Variants in ZNF469 observed in about 807,000 individuals in gnomAD.
ZNF469 encodes the protein zinc finger protein 469.
ZNF469 carries 1 observed loss-of-function variant against 1.0 expected under a neutral mutation model. The observed-to-expected ratio is 1.00, with a 90% CI of 0.35 to 4.73. The LOEUF (loss-of-function observed/expected upper bound fraction) is 4.73, where lower values mean the gene tolerates loss of function less well. ZNF469 is among the 30% of genes most tolerant of loss of function. The pLI, the probability that ZNF469 is intolerant of heterozygous loss-of-function variation, is 0.16. For synonymous variants in ZNF469, 2,703 were observed against 2,363.4 expected (o/e 1.14, Z -4.17); for missense variants, 6,100 against 5,356.3 (o/e 1.14, Z -4.33).
Position 88,438,080 on chromosome 16 carries a change from C to A in ZNF469, c.10610C>A (p.Pro3537Gln), listed in dbSNP as rs966125186. The A allele has an allele frequency of 1.9e-6, 3 of 1,550,412 alleles. No individual in the cohort carries two copies. The highest frequency in any genetic ancestry group is 3.9e-5 in the Admixed American group (2 of 51,010). The change falls in exon 3 of 3, where the codon CCG becomes CAG. Residue 3537 changes from proline to glutamine, a missense_variant. Pro to Gln is a moderately conservative substitution (Grantham distance 76). Coordinates refer to ENST00000565624, the MANE Select transcript of ZNF469 (RefSeq NM_001367624.2). Reference protein sequence around the residue: ...LERPVDPVTHPIRGCELPSNH... With the variant: ...LERPVDPVTHQIRGCELPSNH... The stretch of plus-strand genomic sequence containing the variant: ...AGGCCTGTAGACCCCGTGACCCACC[C>A]GATCAGAGGTTGTGAGCTGCCATCC...
chr16:88,342,452 A>G, the ZNF469 span, among the ~76,000 whole-genome samples: 1 of 152,120 alleles, frequency 6.6e-6, no homozygotes, highest in Non-Finnish European at 1.5e-5. Flanking sequence ...CCCCACTCCA[A>G]TGGCCACTGA....
intron 1 of ZNF469, among the ~76,000 whole-genome samples, chr16:88,397,539 A>G (rs957829322): frequency 8.6e-5 from 13 of 151,772 alleles, no homozygotes; most frequent in African/African-American, 3.2e-4. Flanking sequence ...TCTTTGCCCC[A>G]CCATGTAAAT....
At chr16:88,220,328 A>G in the ZNF469 span, among the ~76,000 whole-genome samples, 2 of 152,196 alleles carry the variant, frequency 1.3e-5, no homozygotes, top group Non-Finnish European at 2.9e-5. Context: ...CAACCCTGCT[A>G]TAAAACCTGG....
At chr16:88,183,591 G>A in the ZNF469 span, among the ~76,000 whole-genome samples, 1 of 152,224 alleles carries the variant, frequency 6.6e-6, no homozygotes, top group African/African-American at 2.4e-5. Context: ...CTGTAGGACC[G>A]AGGAGAGACA....
chr16:88,419,774 C>G (rs943347625), intron 1 of ZNF469, among the ~76,000 whole-genome samples: 1 of 152,244 alleles, frequency 6.6e-6, no homozygotes, highest in African/African-American at 2.4e-5. Context: ...TGAAGAGTCA[C>G]ATCATCAGAG....
the ZNF469 span, among the ~76,000 whole-genome samples, chr16:88,300,936 G>A: frequency 6.6e-6 from 1 of 152,164 alleles, no homozygotes; most frequent in Middle Eastern, 3.4e-3. Context: ...GTGGGGGCAG[G>A]TGCCTGTAAT....
At chr16:88,147,955 G>A in the ZNF469 span, among the ~76,000 whole-genome samples, 26,024 of 151,890 alleles carry the variant, frequency 0.17, 2,711 homozygotes, top group East Asian at 0.49. Context: ...GTACACCAGC[G>A]GTCACCTGTC....
chr16:88,428,463 G>A lies in ZNF469; in HGVS notation c.993G>A (p.Ala331=), dbSNP rs992546458. 1.3e-5 allele frequency: 20 copies of A among 1,548,562 alleles called. No individual in the cohort carries two copies. Among genetic ancestry groups the A allele is most frequent in the South Asian group, 8.3e-5 (7 of 84,042 alleles). ...GPAYPLPTQP[A]PSPLPCYQGQ... The stretch of plus-strand genomic sequence containing the variant: ...CCTACCCGCTGCCCACCCAGCCTGC[G>A]CCCTCACCCCTGCCCTGCTACCAGG... Residue 331 remains alanine, a synonymous_variant, in exon 3 of 3, where the codon GCG becomes GCA. Transcript: ENST00000565624.
the ZNF469 span, among the ~76,000 whole-genome samples, chr16:88,210,786 T>G: frequency 6.6e-6 from 1 of 152,384 alleles, no homozygotes; most frequent in Admixed American, 6.5e-5. Context: ...TGTTTTGTTG[T>G]GTATCGGTCC....
the ZNF469 span, among the ~76,000 whole-genome samples, chr16:88,339,761 CA>C: frequency 1.2e-5 from 1 of 83,246 alleles, no homozygotes; most frequent in African/African-American, 4.9e-5. Flanking sequence ...GACAGACTGG[CA>C]GGGGGACGGG....
At chr16:88,279,611 CGGTT>C in the ZNF469 span, among the ~76,000 whole-genome samples, 6 of 110,314 alleles carry the variant, frequency 5.4e-5, no homozygotes, top group Non-Finnish European at 1.1e-4. Flanking sequence ...TATCAGTGCA[CGGTT>C]AGTGCCGCGC....
the ZNF469 span, among the ~76,000 whole-genome samples, chr16:88,221,387 C>G: frequency 6.6e-6 from 1 of 152,204 alleles, no homozygotes; most frequent in African/African-American, 2.4e-5. Context: ...CTGGCCGCCA[C>G]ACTTCCTCTC....
At chr16:88,346,413 C>G in the ZNF469 span, among the ~76,000 whole-genome samples, 2 of 152,284 alleles carry the variant, frequency 1.3e-5, no homozygotes, top group Admixed American at 6.5e-5. Context: ...CCCGGAGCCC[C>G]TCCCTCCCAG....
the ZNF469 span, among the ~76,000 whole-genome samples, chr16:88,368,871 G>C: frequency 6.6e-6 from 1 of 152,146 alleles, no homozygotes; most frequent in Non-Finnish European, 1.5e-5. Flanking sequence ...TTGAGGTCAG[G>C]AGTTCGAGAC....
chr16:88,197,013 G>A, the ZNF469 span, among the ~76,000 whole-genome samples: 10 of 152,204 alleles, frequency 6.6e-5, no homozygotes, highest in African/African-American at 2.2e-4. Flanking sequence ...GAGCATGACT[G>A]TCTTGTTCAG....
the ZNF469 span, among the ~76,000 whole-genome samples, chr16:88,127,121 C>G: frequency 1.3e-5 from 2 of 152,142 alleles, no homozygotes; most frequent in African/African-American, 4.8e-5. Flanking sequence ...CCACGCCCGG[C>G]CCAGTTTCAT....
chr16:88,432,771 G>A lies in ZNF469; in HGVS notation c.5301G>A (p.Leu1767=). The A allele has an allele frequency of 1.3e-6, 2 of 1,550,388 alleles. No individual in the cohort carries two copies. The highest frequency in any genetic ancestry group is 1.7e-6 in the Non-Finnish European group (2 of 1,146,996). The change falls in exon 3 of 3, where the codon CTG becomes CTA. Residue 1767 remains leucine, a synonymous_variant. Transcript: ENST00000565624. ...AAGAAAGTGAAGACTCCCTGCGGCT[G>A]CTTCCCTGTGAACAGAGAGGAGGGT... ...SSQESEDSLR[L]LPCEQRGGFL...
chr16:88,410,776 G>A (rs554430104), intron 1 of ZNF469, among the ~76,000 whole-genome samples: 5 of 152,326 alleles, frequency 3.3e-5, no homozygotes, highest in African/African-American at 1.2e-4. Context: ...TGCTGTTGAT[G>A]GTGCAGGTCA....
chr16:88,104,623 C>T, the ZNF469 span, among the ~76,000 whole-genome samples: 23 of 152,382 alleles, frequency 1.5e-4, no homozygotes, highest in Admixed American at 3.9e-4. Flanking sequence ...GCGTCACATT[C>T]CGGGGGCCTG....
Sources: allele counts gnomAD v4.1 joint callset (sites outside exome capture counted in the v4.1 genomes callset), GRCh38; gene constraint gnomAD v4.1.1; transcripts MANE v1.5; gene names NCBI Gene and HGNC (gene_info 2026-07-23, HGNC 2026-07-21).